Variants in SLC33A1 observed in about 807,000 individuals in gnomAD.
The protein encoded by SLC33A1 is acetyl-coenzyme A transporter 1.
In SLC33A1, 20 loss-of-function variants were observed where a neutral mutation model predicts 50.0. The observed-to-expected ratio is 0.40, with a 90% CI of 0.28 to 0.58. The LOEUF is 0.58. Ranked by LOEUF, SLC33A1 falls within the 20% of genes least tolerant of loss-of-function variation. SLC33A1 has a pLI of 0.44. For synonymous variants in SLC33A1, 265 were observed against 251.8 expected (o/e 1.05, Z -0.50); for missense variants, 476 against 657.0 (o/e 0.72, Z 3.01).
At chr3:155,831,056 A>T (rs1256712216) in intron 4 of SLC33A1, among the ~76,000 whole-genome samples, 1 of 152,204 alleles carries the variant, frequency 6.6e-6, no homozygotes, top group African/African-American at 2.4e-5. Flanking sequence ...TGCCTTTTGA[A>T]ATATTTACAA....
Position 155,829,749 on chromosome 3 carries a change from A to AG in SLC33A1, c.1420dup (p.Leu474ProfsTer18). The AG allele has an allele frequency of 6.2e-7, 1 of 1,614,132 alleles. No homozygotes were observed. Among genetic ancestry groups the AG allele is most frequent in the Non-Finnish European group, 8.5e-7 (1 of 1,180,012 alleles). Reference sequence around the variant, plus strand: ...TGCTCCTACACACTCTTTTACTGTGAGGGGATCTACAAGCCAAAGAGCTAC... The same window carrying AG: ...TGCTCCTACACACTCTTTTACTGTGAGGGGGATCTACAAGCCAAAGAGCTAC... On this transcript the variant is annotated frameshift_variant, in exon 5 of 6. Transcript: ENST00000643144. LOFTEE classifies it high-confidence loss of function.
intron 1 of SLC33A1, among the ~76,000 whole-genome samples, chr3:155,849,121 C>T (rs1431327407): frequency 6.6e-6 from 1 of 151,912 alleles, no homozygotes. Flanking sequence ...CACCATGTTG[C>T]CCAGAGTGGT....
Position 155,853,627 on chromosome 3 carries a change from A to T in SLC33A1, c.371T>A (p.Leu124His). 6.2e-7 allele frequency: 1 copy of T among 1,614,186 alleles called. No homozygotes were observed. Among genetic ancestry groups the T allele is most frequent in the Non-Finnish European group, 8.5e-7 (1 of 1,180,046 alleles). Residue 124 changes from leucine to histidine, a missense_variant, in exon 1 of 6, where the codon CTC becomes CAC. Leu to His is a moderately conservative substitution (Grantham distance 99). Transcript: ENST00000643144. ...GACCGCATCAACCAACGGGGCCCAG[A>T]GTAATTTGAGACTGAAGGGCCAAAA... Reference protein sequence around the residue: ...FVFWPFSLKLLWAPLVDAVYV... With the variant: ...FVFWPFSLKLHWAPLVDAVYV...
At chr3:155,838,221 T>G (rs2107966167) in intron 2 of SLC33A1, among the ~76,000 whole-genome samples, 1 of 151,276 alleles carries the variant, frequency 6.6e-6, no homozygotes, top group African/African-American at 2.4e-5. Context: ...GAGAATCTCT[T>G]GAACCCCGGA....
chr3:155,834,003 T>C lies in SLC33A1; in HGVS notation c.1002A>G (p.Lys334=), dbSNP rs1752558392. ...CTTTGGGTACTCCCTCTTCTACCAATTTCAGTCCTGTTACAGCATCTGCTG... is the reference window on the plus strand; with the variant it reads ...CTTTGGGTACTCCCTCTTCTACCAACTTCAGTCCTGTTACAGCATCTGCTG... ...FSAADAVTGL[K]LVEEGVPKEH... The change falls in exon 3 of 6, where the codon AAA becomes AAG. Residue 334 remains lysine (K), a synonymous_variant. Transcript: ENST00000643144. The C allele has an allele frequency of 6.2e-7, 1 of 1,613,892 alleles. No homozygotes were observed. The highest frequency in any genetic ancestry group is 8.5e-7 in the Non-Finnish European group (1 of 1,179,936).
intron 2 of SLC33A1, among the ~76,000 whole-genome samples, chr3:155,835,990 A>G (rs1365322545): frequency 6.6e-6 from 1 of 151,468 alleles, no homozygotes; most frequent in South Asian, 2.1e-4. Context: ...TTTTTTTTTT[A>G]AAGAAATTAT....
intron 2 of SLC33A1, among the ~76,000 whole-genome samples, chr3:155,839,963 G>T (rs1263502541): frequency 6.6e-6 from 1 of 151,462 alleles, no homozygotes; most frequent in Non-Finnish European, 1.5e-5. Flanking sequence ...ATAAAATAAA[G>T]TATATGAGTA....
At position 155,853,390 on chromosome 3, in the gene SLC33A1, G is replaced by T. The variant is rs774755595; in HGVS notation, c.608C>A (p.Thr203Asn). ...QDIAVDGWALTMLSRENVGYA... is the reference protein window; with the variant it reads ...QDIAVDGWALNMLSRENVGYA... ...ACCCACATTTTCCCTGGATAACATA[G>T]TTAACGCCCAACCATCGACGGCAAT... Residue 203 changes from threonine to asparagine, a missense_variant, in exon 1 of 6, where the codon ACT becomes AAT. By Grantham distance (65) the Thr-to-Asn change is moderately conservative. Transcript: ENST00000643144. The T allele has an allele frequency of 1.2e-6, 2 of 1,614,082 alleles. No homozygotes were observed. The highest frequency in any genetic ancestry group is 1.7e-6 in the Non-Finnish European group (2 of 1,180,026).
chr3:155,838,129 C>G (rs1450302678), intron 2 of SLC33A1, among the ~76,000 whole-genome samples: 2 of 151,792 alleles, frequency 1.3e-5, no homozygotes, highest in African/African-American at 4.8e-5. Flanking sequence ...CATGGAGAAA[C>G]CCTGTCCCTA....
At chr3:155,833,734 T>C in intron 3 of SLC33A1, 123 bp downstream of exon 3, 1 of 983,788 alleles carries the variant, frequency 1.0e-6, no homozygotes, top group East Asian at 2.5e-5. Flanking sequence ...TAAATAATAT[T>C]GAAAAAAGAT....
At chr3:155,828,871 T>C (rs1389721381) in intron 5 of SLC33A1, among the ~76,000 whole-genome samples, 1 of 151,274 alleles carries the variant, frequency 6.6e-6, no homozygotes, top group African/African-American at 2.4e-5. Context: ...ATTACGGGTG[T>C]GAGCCACCAT....
In SLC33A1 at chr3:155,853,243, C is replaced by T. The variant is rs1753483766; in HGVS notation, c.755G>A (p.Arg252Lys). ...NKYLRFQPQP[R>K]GIVTLSDFLF... ...ACTACCTGAAAGAGTAACGATTCCT[C>T]TGGGTTGAGGCTGAAACCGCAAATA... The change falls in exon 1 of 6, where the codon AGA becomes AAA. Residue 252 changes from arginine to lysine, a missense_variant. Physicochemically the swap from Arg to Lys is conservative, Grantham distance 26. Transcript: ENST00000643144. The T allele has an allele frequency of 6.2e-7, 1 of 1,613,934 alleles. No individual in the cohort carries two copies. Among genetic ancestry groups the T allele is most frequent in the Non-Finnish European group, 8.5e-7 (1 of 1,179,934 alleles).
intron 4 of SLC33A1, among the ~76,000 whole-genome samples, chr3:155,831,214 T>C (rs1355283217): frequency 1.3e-5 from 2 of 152,030 alleles, no homozygotes; most frequent in Admixed American, 1.3e-4. Context: ...CCCAGCACTT[T>C]GGAAGGCCGA....
At chr3:155,850,220 G>A (rs1245277048) in intron 1 of SLC33A1, among the ~76,000 whole-genome samples, 2 of 152,024 alleles carry the variant, frequency 1.3e-5, no homozygotes, top group Non-Finnish European at 2.9e-5. Context: ...TGTTGGCCAG[G>A]ATGGTCTTGA....
At chr3:155,842,375 A>G in intron 2 of SLC33A1, 57 bp downstream of exon 2, 1 of 1,100,740 alleles carries the variant, frequency 9.1e-7, no homozygotes, top group African/African-American at 1.5e-5. Flanking sequence ...CATTGTAAGT[A>G]TTCCATGATA....
intron 2 of SLC33A1, among the ~76,000 whole-genome samples, chr3:155,836,280 C>CAAAAAAAAAAAAAAAAAA (rs57460942): frequency 2.6e-4 from 7 of 27,164 alleles, no homozygotes; most frequent in African/African-American, 4.2e-4. Context: ...GAGACTCTGT[C>CAAAAAAAAAAAAAAAAAA]AAAAAAAAAA....
In SLC33A1 at chr3:155,827,579, T is replaced by C. The variant is rs966082586; in HGVS notation, c.*631A>G. 3 of 152,340 alleles carry C rather than the reference T, an allele frequency of 2.0e-5. No homozygotes were observed. The highest frequency in any genetic ancestry group is 1.9e-4 in the East Asian group (1 of 5,196). 9.4% of individuals were successfully genotyped at this position (152,340 alleles called of 1,614,324 possible). A position where few individuals can be genotyped will look rare whatever the true frequency, so the allele number is the denominator to read the frequency against. On this transcript the variant is annotated 3_prime_UTR_variant, in exon 6 of 6. Coordinates refer to ENST00000643144, the MANE Select transcript of SLC33A1 (RefSeq NM_004733.4). ...TAAAAAATAGTTTGAATAATTTTCT[T>C]ATAAATCTTTAATGCTTACAAAAGC... is the stretch of plus-strand genomic sequence containing the variant.
intron 1 of SLC33A1, among the ~76,000 whole-genome samples, chr3:155,844,453 ATATATTTTTTTTTTTTTTTT>A (rs1753073618): frequency 4.0e-5 from 1 of 25,206 alleles, no homozygotes; most frequent in African/African-American, 1.2e-4. Context: ...ATATATATAT[ATATATTTTTTTTTTTTTTTT>A]TTTTTTTTTT....
rs1394665239 is a variant in SLC33A1, at chr3:155,853,507, C to T, written c.491G>A (p.Arg164His). 6.2e-7 allele frequency: 1 copy of T among 1,613,954 alleles called. No homozygotes were observed. Among genetic ancestry groups the T allele is most frequent in the Admixed American group, 1.7e-5 (1 of 59,998 alleles). The change falls in exon 1 of 6, where the codon CGT becomes CAT. Residue 164 changes from arginine to histidine, a missense_variant. Transcript: ENST00000643144. ...TCTGTCATCGGTATTCCCAAGCAAA[C>T]GGTCCACCTGAGTGGATAAATAGAT... is the stretch of plus-strand genomic sequence containing the variant. The part of the protein sequence containing the change: ...FMIYLSTQVD[R>H]LLGNTDDRTP...
Sources: gnomAD v4.1 joint callset for allele counts (sites outside exome capture counted in the v4.1 genomes callset) on GRCh38, gnomAD v4.1.1 for gene constraint, MANE v1.5 for transcripts, NCBI Gene and HGNC (gene_info 2026-07-23, HGNC 2026-07-21) for gene names.